Variants in TMEM260 observed in about 807,000 individuals in gnomAD.
TMEM260 encodes transmembrane protein 260.
TMEM260 carries 82 observed loss-of-function variants against 88.9 expected under a neutral mutation model. The ratio of observed to expected loss-of-function variants is 0.92; its 90% CI spans 0.77 to 1.11. TMEM260 has a LOEUF of 1.11. TMEM260 is among the 50% of genes least tolerant of loss of function. TMEM260 has a pLI of 0.00. For synonymous variants in TMEM260, 314 were observed against 309.3 expected, an observed-to-expected ratio of 1.02 and a Z score of -0.16; for missense variants, 902 against 853.4, an observed-to-expected ratio of 1.06 and a Z score of -0.71.
chr14:56,634,905 T>TC lies in TMEM260; in HGVS notation c.1733dup (p.Ser579IlefsTer9), dbSNP rs868201697. ...TGTTTTCTTGTAACTACAGGTTTGA[T>TC]CCATCTTCTTGGGAATCTGTGGCCA... On this transcript the variant is annotated frameshift_variant, in exon 14 of 16. Transcript: ENST00000261556. LOFTEE classifies it high-confidence loss of function. 1 of 1,613,808 alleles carries TC rather than the reference T, an allele frequency of 6.2e-7. No homozygotes were observed. The highest frequency in any genetic ancestry group is 8.5e-7 in the Non-Finnish European group (1 of 1,179,896).
intron 13 of TMEM260, among the ~76,000 whole-genome samples, chr14:56,634,615 G>A (rs1888885455): frequency 6.6e-6 from 1 of 152,104 alleles, no homozygotes; most frequent in South Asian, 2.1e-4. Flanking sequence ...GGCTAAAGCA[G>A]GTGATCACCT....
chr14:56,582,359 AG>A (rs1885190947), intron 1 of TMEM260, among the ~76,000 whole-genome samples: 1 of 152,030 alleles, frequency 6.6e-6, no homozygotes, highest in African/African-American at 2.4e-5. Context: ...CTTTTCGGGG[AG>A]GGGGTAGGAA....
At chr14:56,620,067 A>C (rs1226002348) in intron 10 of TMEM260, among the ~76,000 whole-genome samples, 1 of 152,166 alleles carries the variant, frequency 6.6e-6, no homozygotes, top group African/African-American at 2.4e-5. Context: ...CTTCTCACTT[A>C]TAAGTGGGAG....
At chr14:56,609,453 A>T (rs8018581) in intron 6 of TMEM260, among the ~76,000 whole-genome samples, 168 bp downstream of exon 6, 11,532 of 152,230 alleles carry the variant, frequency 0.076, 982 homozygotes, top group African/African-American at 0.2. Context: ...TGATATATGT[A>T]AGAGAAAAGT....
At chr14:56,661,534 AGGAGGGAG>A in the TMEM260 span, among the ~76,000 whole-genome samples, 2,525 of 107,842 alleles carry the variant, frequency 0.023, 75 homozygotes, top group African/African-American at 0.08. Context: ...GAAGGAGGAA[AGGAGGGAG>A]GGAGGGAGGG....
rs893589739 is a variant in TMEM260, at chr14:56,633,324, A to G, written c.1724+153A>G. On this transcript the variant is annotated intron_variant, in intron 13 of 15. Coordinates refer to ENST00000261556, the MANE Select transcript of TMEM260 (RefSeq NM_017799.4). ...CACAAAATACCATAAAACAACAGAA[A>G]GAGAACATGTCCTTCTCGTTCTCCT... The G allele has an allele frequency of 6.8e-6, 4 of 591,946 alleles. No homozygotes were observed. In the South Asian group the frequency reaches 6.9e-5, roughly 10 times the overall value. The allele number at this position is 591,946 out of a possible 1,614,324, so 36.7% of individuals were successfully genotyped here. A position where few individuals can be genotyped will look rare whatever the true frequency, so the allele number is the denominator to read the frequency against.
In TMEM260 at chr14:56,633,173, T is replaced by C; in HGVS notation, c.1724+2T>C. 6.2e-7 allele frequency: 1 copy of C among 1,608,204 alleles called. No homozygotes were observed. Among genetic ancestry groups the C allele is most frequent in the Non-Finnish European group, 8.5e-7 (1 of 1,177,208 alleles). On this transcript the variant is annotated splice_donor_variant, in intron 13 of 15. Transcript: ENST00000261556. LOFTEE classifies it high-confidence loss of function. ...TAACTGGACCGAAGAATATGGAAGG[T>C]ATGAACAGCAGTTGTATTTTGATGC...
intron 11 of TMEM260, among the ~76,000 whole-genome samples, chr14:56,622,369 T>C (rs1378267201): frequency 1.3e-5 from 2 of 148,178 alleles, no homozygotes; most frequent in Non-Finnish European, 3.0e-5. Context: ...AAAAAAATTG[T>C]TATTTTATAT....
chr14:56,604,727 G>A (rs1886790308), intron 4 of TMEM260, among the ~76,000 whole-genome samples: 2 of 152,328 alleles, frequency 1.3e-5, no homozygotes, highest in South Asian at 4.1e-4. Flanking sequence ...ACACTGTTCA[G>A]GTTCAGGTAT....
intron 15 of TMEM260, among the ~76,000 whole-genome samples, chr14:56,646,103 A>T (rs1889948155): frequency 6.6e-6 from 1 of 152,174 alleles, no homozygotes; most frequent in Admixed American, 6.5e-5. Context: ...CCTCTTCCCT[A>T]TTGTATAAAA....
At chr14:56,626,507 A>C (rs968982313) in intron 12 of TMEM260, among the ~76,000 whole-genome samples, 3 of 152,190 alleles carry the variant, frequency 2.0e-5, no homozygotes, top group Non-Finnish European at 4.4e-5. Flanking sequence ...AATAGAACAC[A>C]ATCTAGTTGT....
At position 56,621,630 on chromosome 14, in the gene TMEM260, G is replaced by A; in HGVS notation, c.1326G>A (p.Leu442=). 1 of 1,613,416 alleles carries A rather than the reference G, an allele frequency of 6.2e-7. No homozygotes were observed. The highest frequency in any genetic ancestry group is 8.5e-7 in the Non-Finnish European group (1 of 1,179,718). ...CAATTATCTTACTCAGAGGAGATTT[G>A]CCAGGAAATTCTCTCCGTTACATGC... ...HDAIILLRGD[L]PGNSLRYMHY... is the part of the protein sequence containing the mutation. The change falls in exon 11 of 16, where the codon TTG becomes TTA. Residue 442 remains leucine, a synonymous_variant. Coordinates refer to ENST00000261556, the MANE Select transcript of TMEM260 (RefSeq NM_017799.4).
At chr14:56,595,785 T>A (rs1479363218) in intron 3 of TMEM260, among the ~76,000 whole-genome samples, 1 of 152,162 alleles carries the variant, frequency 6.6e-6, no homozygotes, top group Non-Finnish European at 1.5e-5. Flanking sequence ...CCATGCCCAG[T>A]CTATATTTTA....
At chr14:56,649,966 G>A (rs571949418), downstream of TMEM260, 22 of 362,754 alleles carry the variant, frequency 6.1e-5, no homozygotes, top group Admixed American at 3.0e-4. Flanking sequence ...ATTTAGGGAT[G>A]TTGGGCTTCA....
At chr14:56,622,181 A>C (rs949120019) in intron 11 of TMEM260, among the ~76,000 whole-genome samples, 3 of 151,770 alleles carry the variant, frequency 2.0e-5, no homozygotes, top group African/African-American at 7.3e-5. Flanking sequence ...GTCTCTACTA[A>C]AAATACAAAA....
At position 56,579,996 on chromosome 14, in the gene TMEM260, G is replaced by A. The variant is rs751109194; in HGVS notation, c.82G>A (p.Gly28Ser). Residue 28 changes from glycine (G) to serine (S), a missense_variant, in exon 1 of 16, where the codon GGC becomes AGC. By Grantham distance (56) the Gly-to-Ser change is moderately conservative. Coordinates refer to ENST00000261556, the MANE Select transcript of TMEM260 (RefSeq NM_017799.4). ...GCTGCGGCGCTCCGGGGGCATCCGC[G>A]GCGGCGTGGCGGTGTTCGCCGCCGT... is the stretch of plus-strand genomic sequence containing the variant. ...VGLRRSGGIR[G>S]GVAVFAAVAA... The A allele has an allele frequency of 4.0e-6, 5 of 1,246,146 alleles. No individual in the cohort carries two copies. Among genetic ancestry groups the A allele is most frequent in the African/African-American group, 1.6e-5 (1 of 64,456 alleles). The allele number at this position is 1,246,146 out of a possible 1,614,324, so 77.2% of individuals were successfully genotyped here.
intron 5 of TMEM260, among the ~76,000 whole-genome samples, chr14:56,608,096 T>A (rs1338032700): frequency 6.6e-6 from 1 of 152,248 alleles, no homozygotes; most frequent in African/African-American, 2.4e-5. Context: ...TGCATCTCAT[T>A]ACTGCTATAG....
chr14:56,605,710 A>G (rs78528113), intron 5 of TMEM260, 27 bp downstream of exon 5: 1 of 1,371,990 alleles, frequency 7.3e-7, no homozygotes. Context: ...TGTAAAAAAA[A>G]GTACAATATT....
At chr14:56,620,836 A>G (rs1242925447) in intron 10 of TMEM260, among the ~76,000 whole-genome samples, 1 of 151,992 alleles carries the variant, frequency 6.6e-6, no homozygotes. Flanking sequence ...TTCTTTTTTC[A>G]TAGAATGCTG....
Sources: allele counts gnomAD v4.1 joint callset (sites outside exome capture counted in the v4.1 genomes callset), GRCh38; gene constraint gnomAD v4.1.1; transcripts MANE v1.5; gene names NCBI Gene and HGNC (gene_info 2026-07-23, HGNC 2026-07-21).